The following PLCG2 variants were observed in gnomAD, a reference collection of about 807,000 sequenced individuals.
The protein encoded by PLCG2 is 1-phosphatidylinositol 4,5-bisphosphate phosphodiesterase gamma-2.
A neutral mutation model predicts 175.6 loss-of-function variants in PLCG2; 69 were observed. The observed-to-expected ratio is 0.39, with a 90% CI of 0.32 to 0.48. PLCG2 has a LOEUF of 0.48. PLCG2 is among the 20% of genes least tolerant of loss of function. The probability of loss-of-function intolerance (pLI) is 0.91; values close to 1 mark genes in which losing one functional copy is unlikely to be tolerated. For synonymous variants in PLCG2, 827 were observed against 624.0 expected, an observed-to-expected ratio of 1.33 and a Z score of -4.85; for missense variants, 1,798 against 1,650.9, an observed-to-expected ratio of 1.09 and a Z score of -1.54.
intron 2 of PLCG2, among the ~76,000 whole-genome samples, chr16:81,787,330 T>C (rs1911016442): frequency 2.0e-5 from 3 of 151,782 alleles, no homozygotes; most frequent in Non-Finnish European, 4.4e-5. Context: ...CAAGTGATCT[T>C]CCTGCCTCAG....
chr16:81,739,214 C>G (rs1467643556), exon 1 of PLCG2: 1 of 152,104 alleles, frequency 6.6e-6, no homozygotes, highest in Non-Finnish European at 1.5e-5. Flanking sequence ...CGACCACAGC[C>G]TGGGGTATTA....
chr16:81,944,396 G>A (rs1433856253), intron 30 of PLCG2, among the ~76,000 whole-genome samples: 3 of 151,924 alleles, frequency 2.0e-5, no homozygotes, highest in African/African-American at 7.3e-5. Flanking sequence ...TATTGTCTTG[G>A]GTATTAAAGT....
At chr16:81,910,454 A>T in intron 17 of PLCG2, 66 bp from the exon 18 acceptor site, 1 of 1,428,450 alleles carries the variant, frequency 7.0e-7, no homozygotes. Flanking sequence ...CCCGCCTCTG[A>T]GGCCCTGGCT....
chr16:81,851,160 A>G (rs145865164), intron 2 of PLCG2, among the ~76,000 whole-genome samples: 2 of 152,336 alleles, frequency 1.3e-5, no homozygotes, highest in Non-Finnish European at 2.9e-5. Flanking sequence ...ATAATTGAGA[A>G]GTGTCTTTAG....
At chr16:81,906,561 C>T (rs887660328) in intron 15 of PLCG2, among the ~76,000 whole-genome samples, 4 of 152,274 alleles carry the variant, frequency 2.6e-5, no homozygotes, top group Non-Finnish European at 5.9e-5. Flanking sequence ...GTAACTGGGA[C>T]CACAGATGTG....
intron 2 of PLCG2, among the ~76,000 whole-genome samples, chr16:81,833,399 C>G (rs968775723): frequency 1.3e-5 from 2 of 151,946 alleles, no homozygotes; most frequent in African/African-American, 4.8e-5. Flanking sequence ...AGCCAGTATT[C>G]TGGCCCGGGG....
intron 1 of PLCG2, among the ~76,000 whole-genome samples, chr16:81,751,912 C>T (rs1909819931): frequency 6.6e-6 from 1 of 152,076 alleles, no homozygotes; most frequent in East Asian, 1.9e-4. Flanking sequence ...ATCTTAGCTA[C>T]TCGGGAGGCT....
chr16:81,846,094 C>T (rs1177392651), intron 2 of PLCG2, among the ~76,000 whole-genome samples: 2 of 152,206 alleles, frequency 1.3e-5, no homozygotes, highest in South Asian at 2.1e-4. Context: ...TGCTCCATTT[C>T]CCAGCTGCTA....
At chr16:81,902,113 C>G (rs557457950) in intron 14 of PLCG2, among the ~76,000 whole-genome samples, 1 of 152,194 alleles carries the variant, frequency 6.6e-6, no homozygotes, top group Non-Finnish European at 1.5e-5. Context: ...CTGTCCCGTC[C>G]TTTTCTCTAC....
intron 2 of PLCG2, among the ~76,000 whole-genome samples, chr16:81,813,224 T>G (rs1214672189): frequency 6.6e-6 from 1 of 152,230 alleles, no homozygotes; most frequent in East Asian, 1.9e-4. Flanking sequence ...AATGATAGCT[T>G]GATGGGAATA....
At chr16:81,848,000 T>G (rs778012290) in intron 2 of PLCG2, among the ~76,000 whole-genome samples, 10 of 152,186 alleles carry the variant, frequency 6.6e-5, no homozygotes, top group Non-Finnish European at 1.5e-4. Context: ...AGTGACAAAG[T>G]GATTCCAAAG....
At chr16:81,934,558 TATAACTCCA>T (rs1910630723) in intron 26 of PLCG2, 27 bp downstream of exon 26, 1 of 1,314,458 alleles carries the variant, frequency 7.6e-7, no homozygotes, top group African/African-American at 1.4e-5. Flanking sequence ...GAACATGCCC[TATAACTCCA>T]ATGAAAACTT....
chr16:81,806,829 G>T (rs1337012966), intron 2 of PLCG2, among the ~76,000 whole-genome samples: 1 of 151,916 alleles, frequency 6.6e-6, no homozygotes, highest in African/African-American at 2.4e-5. Flanking sequence ...CCAGGACAAA[G>T]CCTTCGAGGT....
intron 29 of PLCG2, among the ~76,000 whole-genome samples, chr16:81,939,420 G>A (rs1339336945): frequency 1.3e-5 from 2 of 152,176 alleles, no homozygotes; most frequent in Non-Finnish European, 1.5e-5. Context: ...GTAAAAAGTA[G>A]CCCAATGAAC....
intron 19 of PLCG2, among the ~76,000 whole-genome samples, chr16:81,914,281 G>T (rs1909750201): frequency 6.6e-6 from 1 of 152,250 alleles, no homozygotes; most frequent in Non-Finnish European, 1.5e-5. Flanking sequence ...ATGATGGTCA[G>T]GATGCCACCT....
upstream of PLCG2, among the ~76,000 whole-genome samples, chr16:81,777,966 G>A (rs545194240): frequency 3.6e-4 from 52 of 143,674 alleles, no homozygotes; most frequent in East Asian, 1.6e-3. Flanking sequence ...GCAGTGAGCC[G>A]AGATCGTGCC....
intron 26 of PLCG2, among the ~76,000 whole-genome samples, chr16:81,934,852 A>G (rs963995694): frequency 2.0e-5 from 3 of 152,194 alleles, no homozygotes; most frequent in Non-Finnish European, 4.4e-5. Flanking sequence ...ATGAGAAGCA[A>G]GTGAAAGGGG....
intron 2 of PLCG2, among the ~76,000 whole-genome samples, chr16:81,802,177 A>G (rs1338390495): frequency 8.0e-6 from 1 of 124,374 alleles, no homozygotes; most frequent in Non-Finnish European, 1.6e-5. Context: ...CAGTGGCGCT[A>G]TCTTGGCTCA....
chr16:81,777,732 C>A (rs1016579273), upstream of PLCG2, among the ~76,000 whole-genome samples: 1 of 151,836 alleles, frequency 6.6e-6, no homozygotes, highest in Admixed American at 6.6e-5. Context: ...AACGCTATAA[C>A]AGGCCGGGTG....
Sources: gnomAD v4.1 joint callset for allele counts (sites outside exome capture counted in the v4.1 genomes callset) on GRCh38, gnomAD v4.1.1 for gene constraint, MANE v1.5 for transcripts, NCBI Gene and HGNC (gene_info 2026-07-23, HGNC 2026-07-21) for gene names.